The following TMEM163 variants were observed in gnomAD, a reference collection of about 807,000 sequenced individuals.
TMEM163 encodes the protein transmembrane protein 163.
In TMEM163, 17 loss-of-function variants were observed where a neutral mutation model predicts 29.3. The ratio of observed to expected loss-of-function variants is 0.58; its 90% CI spans 0.40 to 0.87. The LOEUF is 0.87. Ranked by LOEUF, TMEM163 falls within the 40% of genes least tolerant of loss-of-function variation. The pLI is 0.00. For synonymous variants in TMEM163, 157 were observed against 160.6 expected (o/e 0.98, Z 0.17); for missense variants, 303 against 381.5 (o/e 0.79, Z 1.71).
Position 134,589,451 on chromosome 2 carries a change from G to A in TMEM163, c.323-37360C>T, listed in dbSNP as rs115875770. On this transcript the variant is annotated intron_variant, in intron 2 of 7. Transcript: ENST00000281924. The stretch of plus-strand genomic sequence containing the variant: ...CAGAACCTACCAAAACCAAGAAGGC[G>A]ATGAAAGTGACCTCTGGTCGTCCTC... Among the ~76,000 whole-genome samples the A allele has an allele frequency of 7.8e-3, 1,181 of 152,282 alleles. 23 individuals carry two copies. The highest frequency in any genetic ancestry group is 0.027 in the African/African-American group (1,121 of 41,548).
At chr2:134,503,912 A>T (rs1574185626) in intron 4 of TMEM163, among the ~76,000 whole-genome samples, 1 of 152,216 alleles carries the variant, frequency 6.6e-6, no homozygotes, top group East Asian at 1.9e-4. Context: ...GCATGAGGAA[A>T]TGATACCATT....
intron 4 of TMEM163, among the ~76,000 whole-genome samples, chr2:134,515,419 A>G (rs1175653514): frequency 6.6e-6 from 1 of 152,214 alleles, no homozygotes; most frequent in Non-Finnish European, 1.5e-5. Flanking sequence ...TTTGATTCCT[A>G]TAAAAATACT....
chr2:134,516,780 C>CATATATATATGAATATATATGAATAT (rs1680079119), intron 4 of TMEM163, among the ~76,000 whole-genome samples: 1 of 139,460 alleles, frequency 7.2e-6, no homozygotes, highest in Admixed American at 7.4e-5. Flanking sequence ...CATATCTATT[C>CATATATATATGAATATATATGAATAT]ATATATATAT....
chr2:134,661,350 T>G (rs1001165408), intron 2 of TMEM163, among the ~76,000 whole-genome samples: 14 of 152,338 alleles, frequency 9.2e-5, no homozygotes, highest in Admixed American at 8.5e-4. Context: ...TACTCTGTTA[T>G]AGCAACACGA....
chr2:134,459,205 G>A (rs1471390830), intron 6 of TMEM163: 1 of 152,198 alleles, frequency 6.6e-6, no homozygotes, highest in African/African-American at 2.4e-5. Context: ...GCCAGGCAGG[G>A]ATGACCTGAG....
intron 2 of TMEM163, among the ~76,000 whole-genome samples, chr2:134,700,268 A>G (rs1430984488): frequency 6.6e-6 from 1 of 152,210 alleles, no homozygotes; most frequent in African/African-American, 2.4e-5. Flanking sequence ...CATCAGCTCC[A>G]AAACAGTTTC....
chr2:134,594,953 T>C (rs562471898), intron 2 of TMEM163, among the ~76,000 whole-genome samples: 3 of 151,768 alleles, frequency 2.0e-5, no homozygotes, highest in African/African-American at 7.3e-5. Flanking sequence ...AGAAGCAATA[T>C]AGCAAGGTAA....
At chr2:134,576,117 G>A (rs902737795) in intron 2 of TMEM163, among the ~76,000 whole-genome samples, 13 of 152,312 alleles carry the variant, frequency 8.5e-5, no homozygotes, top group African/African-American at 3.1e-4. Flanking sequence ...AACTCCTGAG[G>A]AAAAGGTATT....
chr2:134,647,911 A>T (rs1683370824), intron 2 of TMEM163, among the ~76,000 whole-genome samples: 1 of 152,178 alleles, frequency 6.6e-6, no homozygotes. Context: ...AGCATCTAGG[A>T]GGGTGCCCAC....
At chr2:134,483,526 C>CATTAG (rs1008355552) in intron 5 of TMEM163, among the ~76,000 whole-genome samples, 17 of 152,144 alleles carry the variant, frequency 1.1e-4, no homozygotes, top group African/African-American at 4.1e-4. Context: ...ATTTAATGCC[C>CATTAG]ATTAGAAAGG....
chr2:134,551,867 C>T (rs914556205), intron 3 of TMEM163, among the ~76,000 whole-genome samples, 181 bp downstream of exon 3: 1 of 152,190 alleles, frequency 6.6e-6, no homozygotes, highest in Admixed American at 6.5e-5. Flanking sequence ...ATTACACAGT[C>T]CTCATTGCCG....
At chr2:134,655,779 A>G (rs1209399887) in intron 2 of TMEM163, among the ~76,000 whole-genome samples, 1 of 141,854 alleles carries the variant, frequency 7.0e-6, no homozygotes, top group Non-Finnish European at 1.5e-5. Context: ...CAGGACCCTC[A>G]GCTGCAGGTC....
Position 134,718,921 on chromosome 2 carries a change from C to T in TMEM163, c.15G>A (p.Ala5=). 3 of 1,059,692 alleles carry T rather than the reference C, an allele frequency of 2.8e-6. No individual in the cohort carries two copies. The highest frequency in any genetic ancestry group is 8.8e-5 in the South Asian group (2 of 22,834). The allele number at this position is 1,059,692 out of a possible 1,614,324, so 65.6% of individuals were successfully genotyped here. ...CCTGGGAGCTGCGGCGCTGGATGCCCGCGGCCGGCTCCATGGCGCGGGGCT... is the reference window on the plus strand; with the variant it reads ...CCTGGGAGCTGCGGCGCTGGATGCCTGCGGCCGGCTCCATGGCGCGGGGCT... MEPA[A]GIQRRSSQGP... The change falls in exon 1 of 8, where the codon GCG becomes GCA. Residue 5 remains alanine, a synonymous_variant. Transcript: ENST00000281924.
At chr2:134,609,600 T>A (rs1682445125) in intron 2 of TMEM163, among the ~76,000 whole-genome samples, 1 of 86,174 alleles carries the variant, frequency 1.2e-5, no homozygotes, top group Non-Finnish European at 2.3e-5. Context: ...TCCCGAGAAC[T>A]GTACTGGTGA....
chr2:134,538,492 C>T (rs1177397718), intron 4 of TMEM163, among the ~76,000 whole-genome samples: 2 of 152,204 alleles, frequency 1.3e-5, no homozygotes, highest in Admixed American at 6.5e-5. Context: ...TATTTCCCCA[C>T]AAACACTAGC....
At chr2:134,564,011 A>G (rs1453288882) in intron 2 of TMEM163, among the ~76,000 whole-genome samples, 1 of 152,128 alleles carries the variant, frequency 6.6e-6, no homozygotes, top group East Asian at 1.9e-4. Context: ...AGATCATGCC[A>G]CTACACTCCA....
intron 2 of TMEM163, among the ~76,000 whole-genome samples, chr2:134,585,300 C>G (rs992316284): frequency 2.6e-5 from 4 of 152,244 alleles, no homozygotes; most frequent in African/African-American, 9.6e-5. Context: ...CAGAGTCTGG[C>G]TACCTCACAC....
chr2:134,691,856 C>A (rs1350572435), intron 2 of TMEM163, among the ~76,000 whole-genome samples: 1 of 152,196 alleles, frequency 6.6e-6, no homozygotes, highest in Non-Finnish European at 1.5e-5. Context: ...TTTCTGTATC[C>A]TTGTACAATC....
intron 5 of TMEM163, among the ~76,000 whole-genome samples, chr2:134,475,249 A>G (rs1415477539): frequency 1.3e-5 from 2 of 152,178 alleles, no homozygotes; most frequent in South Asian, 2.1e-4. Flanking sequence ...ACAAAAGCAC[A>G]AAAGCAATCC....
Sources: gnomAD v4.1 joint callset for allele counts (sites outside exome capture counted in the v4.1 genomes callset) on GRCh38, gnomAD v4.1.1 for gene constraint, MANE v1.5 for transcripts, NCBI Gene and HGNC (gene_info 2026-07-23, HGNC 2026-07-21) for gene names.